Variants in GNA12 observed in about 807,000 individuals in gnomAD.
GNA12 encodes the protein guanine nucleotide-binding protein subunit alpha-12.
GNA12 carries 9 observed loss-of-function variants against 26.0 expected under a neutral mutation model. That is an observed-to-expected ratio of 0.35 (90% CI 0.21 to 0.60). The LOEUF (loss-of-function observed/expected upper bound fraction) is 0.60, where lower values mean the gene tolerates loss of function less well. GNA12 is among the 20% of genes least tolerant of loss of function. The probability of loss-of-function intolerance (pLI) is 0.78; values close to 1 mark genes in which losing one functional copy is unlikely to be tolerated. For synonymous variants in GNA12, 264 were observed against 219.6 expected (o/e 1.20, Z -1.79); for missense variants, 405 against 525.8 (o/e 0.77, Z 2.25).
At chr7:2,836,543 C>T (rs78795770) in intron 1 of GNA12, among the ~76,000 whole-genome samples, 4,976 of 152,228 alleles carry the variant, frequency 0.033, 284 homozygotes, top group African/African-American at 0.11. Flanking sequence ...AAAAGAACTC[C>T]AAGAAGAGCC....
chr7:2,837,763 G>C (rs1778878443), intron 1 of GNA12, among the ~76,000 whole-genome samples: 1 of 152,008 alleles, frequency 6.6e-6, no homozygotes. Flanking sequence ...ATGGCTAAAG[G>C]AAGTTCTCTA....
chr7:2,779,467 G>A (rs141583163), intron 2 of GNA12, among the ~76,000 whole-genome samples: 1,860 of 151,540 alleles, frequency 0.012, 64 homozygotes, highest in South Asian at 0.023. Context: ...CTATGATCAC[G>A]CTACTACACT....
At chr7:2,749,908 G>T (rs1324098475) in intron 2 of GNA12, among the ~76,000 whole-genome samples, 1 of 152,102 alleles carries the variant, frequency 6.6e-6, no homozygotes, top group African/African-American at 2.4e-5. Context: ...GGCATCTTTG[G>T]GGCAATTCCT....
chr7:2,840,619 G>T (rs918551060), intron 1 of GNA12, among the ~76,000 whole-genome samples: 2 of 152,204 alleles, frequency 1.3e-5, no homozygotes, highest in Non-Finnish European at 1.5e-5. Flanking sequence ...AGCACTTTGG[G>T]AGGCTGAGGC....
intron 2 of GNA12, among the ~76,000 whole-genome samples, chr7:2,758,491 C>T (rs1238931533): frequency 6.6e-6 from 1 of 152,144 alleles, no homozygotes; most frequent in East Asian, 1.9e-4. Context: ...CAATTTCTTC[C>T]CCTGCAGCGT....
Position 2,843,563 on chromosome 7 carries a change from C to CT in GNA12, c.309+289dup, listed in dbSNP as rs1172506840. Among the ~76,000 whole-genome samples the CT allele has an allele frequency of 5.3e-5, 8 of 152,138 alleles. No homozygotes were observed. The East Asian group carries it at 1.2e-3, about 22-fold the overall frequency. On this transcript the variant is annotated intron_variant, in intron 1 of 3. Transcript: ENST00000275364. The stretch of plus-strand genomic sequence containing the variant: ...TCGGGAGGCTAAGGAGGGAGTAGGG[C>CT]TTGAGCCTGGGAGGTCGAGGCTGCA...
chr7:2,742,764 T>G (rs1349204440), intron 2 of GNA12, among the ~76,000 whole-genome samples: 1 of 152,248 alleles, frequency 6.6e-6, no homozygotes, highest in Non-Finnish European at 1.5e-5. Context: ...CTTAGATTTA[T>G]TCTCAGGTAT....
intron 1 of GNA12, among the ~76,000 whole-genome samples, chr7:2,838,705 G>T (rs1778906728): frequency 1.3e-5 from 2 of 152,026 alleles, no homozygotes; most frequent in Non-Finnish European, 2.9e-5. Context: ...TAAAAGAATG[G>T]AGAAATATAT....
intron 2 of GNA12, chr7:2,760,227 GGCAGGAGGGCACACCCCA>G (rs1791493588): frequency 6.6e-6 from 1 of 152,384 alleles, no homozygotes; most frequent in Non-Finnish European, 1.5e-5. Flanking sequence ...GCAGAGTCCA[GGCAGGAGGGCACACCCCA>G]GCACGAGCTG....
intron 2 of GNA12, among the ~76,000 whole-genome samples, chr7:2,738,053 A>G (rs1790297424): frequency 6.6e-6 from 1 of 152,186 alleles, no homozygotes; most frequent in African/African-American, 2.4e-5. Context: ...ATTCATATAC[A>G]TTAGAAAAAG....
intron 2 of GNA12, among the ~76,000 whole-genome samples, chr7:2,755,800 G>C (rs1043297459): frequency 6.6e-6 from 1 of 152,162 alleles, no homozygotes; most frequent in African/African-American, 2.4e-5. Context: ...ACTGAAAACT[G>C]AAGAACACTT....
intron 2 of GNA12, among the ~76,000 whole-genome samples, chr7:2,743,274 T>C (rs1157979750): frequency 6.6e-6 from 1 of 152,172 alleles, no homozygotes; most frequent in Non-Finnish European, 1.5e-5. Context: ...TCTCACCAAG[T>C]TAAATGTCTG....
intron 2 of GNA12, 86 bp downstream of exon 2, chr7:2,794,841 GT>G: frequency 2.0e-6 from 2 of 982,728 alleles, no homozygotes; most frequent in Admixed American, 1.8e-5. Flanking sequence ...CTGTTACACA[GT>G]TTTTAAGGAA....
At chr7:2,774,188 T>C (rs1792018201) in intron 2 of GNA12, among the ~76,000 whole-genome samples, 1 of 152,176 alleles carries the variant, frequency 6.6e-6, no homozygotes, top group Admixed American at 6.5e-5. Flanking sequence ...TCACACAATC[T>C]GCTCAGTTTG....
intron 1 of GNA12, among the ~76,000 whole-genome samples, chr7:2,809,900 A>G (rs1793038646): frequency 1.3e-5 from 2 of 152,250 alleles, no homozygotes; most frequent in South Asian, 2.1e-4. Flanking sequence ...CTATGTAAAT[A>G]GTATTTAGTA....
At chr7:2,831,404 CTTTTTTTTTT>C (rs3996402) in intron 1 of GNA12, among the ~76,000 whole-genome samples, 1 of 130,082 alleles carries the variant, frequency 7.7e-6, no homozygotes. Flanking sequence ...ACTTCACTTT[CTTTTTTTTTT>C]TTTTTTTGAG....
At chr7:2,760,052 G>T (rs208346) in intron 2 of GNA12, among the ~76,000 whole-genome samples, 73,095 of 152,122 alleles carry the variant, frequency 0.48, 18,514 homozygotes, top group East Asian at 0.63. Context: ...AAAACACTAG[G>T]ATGTCAAGGT....
intron 2 of GNA12, among the ~76,000 whole-genome samples, chr7:2,752,452 C>T (rs1290712249): frequency 6.6e-6 from 1 of 152,114 alleles, no homozygotes; most frequent in Non-Finnish European, 1.5e-5. Flanking sequence ...AAAAGCAAGA[C>T]AGCAAGCAAG....
At chr7:2,795,388 T>C (rs1283143779) in intron 1 of GNA12, among the ~76,000 whole-genome samples, 2 of 151,930 alleles carry the variant, frequency 1.3e-5, no homozygotes, top group African/African-American at 4.8e-5. Context: ...GCCTCCCCTT[T>C]GGGAGGCCAA....
Sources: allele counts gnomAD v4.1 joint callset (sites outside exome capture counted in the v4.1 genomes callset), GRCh38; gene constraint gnomAD v4.1.1; transcripts MANE v1.5; gene names NCBI Gene and HGNC (gene_info 2026-07-23, HGNC 2026-07-21).